The following FAM168A variants were observed in gnomAD, a reference collection of about 807,000 sequenced individuals.
The protein encoded by FAM168A is family with sequence similarity 168 member A, also known as protein FAM168A.
In FAM168A, 3 loss-of-function variants were observed where a neutral mutation model predicts 28.5. That is an observed-to-expected ratio of 0.11 (90% CI 0.05 to 0.27). The LOEUF (loss-of-function observed/expected upper bound fraction) is 0.27, where lower values mean the gene tolerates loss of function less well. Ranked by LOEUF, FAM168A falls within the 10% of genes least tolerant of loss-of-function variation. The pLI is 1.00. For missense variants in FAM168A, 222 were observed against 311.5 expected, an observed-to-expected ratio of 0.71 and a Z score of 2.16; for synonymous variants, 122 against 124.2, an observed-to-expected ratio of 0.98 and a Z score of 0.12.
At chr11:73,422,705 T>C (rs1358514896) in intron 3 of FAM168A, among the ~76,000 whole-genome samples, 1 of 152,262 alleles carries the variant, frequency 6.6e-6, no homozygotes. Flanking sequence ...TATAGGCATA[T>C]ACATATGTAA....
intron 1 of FAM168A, among the ~76,000 whole-genome samples, chr11:73,582,241 G>C (rs1944256870): frequency 6.7e-6 from 1 of 150,256 alleles, no homozygotes; most frequent in Non-Finnish European, 1.5e-5. Flanking sequence ...CCTGCCAGAG[G>C]CCGGGCACCG....
chr11:73,552,484 C>T (rs1749619821), intron 1 of FAM168A, among the ~76,000 whole-genome samples: 1 of 152,186 alleles, frequency 6.6e-6, no homozygotes, highest in Admixed American at 6.5e-5. Flanking sequence ...GTGCCTGGCA[C>T]ATAGTAGGCA....
intron 1 of FAM168A, among the ~76,000 whole-genome samples, chr11:73,535,759 C>G (rs2134670141): frequency 6.8e-6 from 1 of 147,876 alleles, no homozygotes; most frequent in African/African-American, 2.5e-5. Flanking sequence ...GGGGGTATCA[C>G]CATGTTGTTC....
intron 1 of FAM168A, among the ~76,000 whole-genome samples, chr11:73,524,200 C>T (rs1174150326): frequency 6.6e-6 from 1 of 151,894 alleles, no homozygotes; most frequent in Non-Finnish European, 1.5e-5. Context: ...CTTTTATATT[C>T]TCATTTCGAA....
At position 73,405,405 on chromosome 11, in the gene FAM168A, AT is replaced by A; in HGVS notation, c.*1357del. 1 of 152,076 alleles carries A rather than the reference AT, an allele frequency of 6.6e-6. No individual in the cohort carries two copies. The allele number at this position is 152,076 out of a possible 1,614,324, so 9.4% of individuals were successfully genotyped here. On this transcript the variant is annotated 3_prime_UTR_variant, in exon 8 of 8. Transcript: ENST00000356467. ...ACCAGGTATGGGCGCTGCCGACTTAATTTTTACAAAACCAAGCCAATCCGTC... is the reference window on the plus strand; with the variant it reads ...ACCAGGTATGGGCGCTGCCGACTTAATTTTACAAAACCAAGCCAATCCGTC...
At chr11:73,414,100 A>G (rs1866660954) in intron 4 of FAM168A, among the ~76,000 whole-genome samples, 2 of 152,176 alleles carry the variant, frequency 1.3e-5, no homozygotes, top group African/African-American at 4.8e-5. Context: ...AATCTCTAAG[A>G]TGGGAGTATG....
At chr11:73,586,393 CAA>C (rs1279047562) in intron 1 of FAM168A, among the ~76,000 whole-genome samples, 5 of 151,910 alleles carry the variant, frequency 3.3e-5, no homozygotes, top group Non-Finnish European at 1.5e-5. Context: ...CCAGCCTGGG[CAA>C]TATAGCAAGA....
chr11:73,550,583 G>A (rs1943813129), intron 1 of FAM168A, among the ~76,000 whole-genome samples: 2 of 152,070 alleles, frequency 1.3e-5, no homozygotes, highest in South Asian at 2.1e-4. Context: ...TGAGACTGGG[G>A]GGTCGAGGAT....
chr11:73,596,434 C>T (rs1318231519), intron 1 of FAM168A, among the ~76,000 whole-genome samples: 5 of 152,162 alleles, frequency 3.3e-5, no homozygotes, highest in Admixed American at 3.3e-4. Context: ...GACACCCTCC[C>T]CTCCTTAATT....
At chr11:73,452,870 T>C (rs1211190474) in intron 2 of FAM168A, among the ~76,000 whole-genome samples, 1 of 151,802 alleles carries the variant, frequency 6.6e-6, no homozygotes, top group Admixed American at 6.6e-5. Context: ...GGAACTCCTA[T>C]GGTTACTCAA....
At chr11:73,468,862 T>G (rs1867775006) in intron 1 of FAM168A, among the ~76,000 whole-genome samples, 1 of 152,186 alleles carries the variant, frequency 6.6e-6, no homozygotes, top group African/African-American at 2.4e-5. Flanking sequence ...TGAATTAGTT[T>G]AAGATCTCTG....
In FAM168A at chr11:73,405,452, C is replaced by G. The variant is rs1430725825; in HGVS notation, c.*1311G>C. Reference sequence around the variant, plus strand: ...CCGTCCCTAGGTAAATTTTTGTAAGCAAGGTGCCCACTAGGTAGGAAGGCT... The same window carrying G: ...CCGTCCCTAGGTAAATTTTTGTAAGGAAGGTGCCCACTAGGTAGGAAGGCT... On this transcript the variant is annotated 3_prime_UTR_variant, in exon 8 of 8. Coordinates refer to ENST00000356467, the MANE Select transcript of FAM168A (RefSeq NM_015159.3). 2 of 152,156 alleles carry G rather than the reference C, an allele frequency of 1.3e-5. No individual in the cohort carries two copies. The highest frequency in any genetic ancestry group is 1.3e-4 in the Admixed American group (2 of 15,268). The allele number at this position is 152,156 out of a possible 1,614,324, so 9.4% of individuals were successfully genotyped here. A position where few individuals can be genotyped will look rare whatever the true frequency, so the allele number is the denominator to read the frequency against.
In FAM168A at chr11:73,484,516, A is replaced by ATC. The variant is rs1491171241; in HGVS notation, c.-18-16025_-18-16024insGA. 7.8e-5 allele frequency among the ~76,000 whole-genome samples: 11 copies of ATC among 141,864 alleles called. 1 individual carries two copies. The highest frequency in any genetic ancestry group is 1.2e-4 in the Non-Finnish European group (8 of 66,958). The allele number at this position is 141,864 out of a possible 152,430, so 93.1% of individuals were successfully genotyped here. A position where few individuals can be genotyped will look rare whatever the true frequency, so the allele number is the denominator to read the frequency against. ...ACTAAGAGGAGAGAGAGATATATATAGATATATATATCTATATATCTATAT... is the reference window on the plus strand; with the variant it reads ...ACTAAGAGGAGAGAGAGATATATATATCGATATATATATCTATATATCTATAT... On this transcript the variant is annotated intron_variant, in intron 1 of 7. Coordinates refer to ENST00000356467, the MANE Select transcript of FAM168A (RefSeq NM_015159.3).
At chr11:73,458,361 A>G (rs181016732) in intron 2 of FAM168A, among the ~76,000 whole-genome samples, 104 of 152,318 alleles carry the variant, frequency 6.8e-4, no homozygotes, top group African/African-American at 2.5e-3. Flanking sequence ...GCTCAGTGGT[A>G]GAGTGGGTGC....
At chr11:73,485,097 A>G (rs1310634999) in intron 1 of FAM168A, among the ~76,000 whole-genome samples, 1 of 152,174 alleles carries the variant, frequency 6.6e-6, no homozygotes, top group Non-Finnish European at 1.5e-5. Context: ...TGCATCCTTC[A>G]ATCCAATCAA....
chr11:73,502,425 C>T (rs74217728), intron 1 of FAM168A, among the ~76,000 whole-genome samples: 1 of 152,238 alleles, frequency 6.6e-6, no homozygotes, highest in South Asian at 2.1e-4. Context: ...GACACATATA[C>T]CCTCCCAAGA....
intron 1 of FAM168A, among the ~76,000 whole-genome samples, chr11:73,508,970 T>C (rs147220623): frequency 6.6e-6 from 1 of 152,320 alleles, no homozygotes; most frequent in African/African-American, 2.4e-5. Flanking sequence ...ACATGCTCTC[T>C]TGCCTGCTGC....
intron 1 of FAM168A, among the ~76,000 whole-genome samples, chr11:73,576,862 G>C (rs180834318): frequency 6.6e-6 from 1 of 151,980 alleles, no homozygotes; most frequent in East Asian, 1.9e-4. Flanking sequence ...TGGTTTCCCT[G>C]GCTCTCACAA....
At chr11:73,559,626 C>CT (rs1244746068) in intron 1 of FAM168A, among the ~76,000 whole-genome samples, 2 of 152,002 alleles carry the variant, frequency 1.3e-5, no homozygotes, top group Non-Finnish European at 2.9e-5. Context: ...CCGCCAGGGG[C>CT]TAGGAGGGAA....
Sources: allele counts gnomAD v4.1 joint callset (sites outside exome capture counted in the v4.1 genomes callset), GRCh38; gene constraint gnomAD v4.1.1; transcripts MANE v1.5; gene names NCBI Gene and HGNC (gene_info 2026-07-23, HGNC 2026-07-21).